Variants in ATP8B4 observed in about 807,000 individuals in gnomAD.
ATP8B4 encodes the protein ATPase phospholipid transporting 8B4 (putative).
Under a neutral mutation model 145.6 loss-of-function variants are expected in ATP8B4, and 133 were observed. That is an observed-to-expected ratio of 0.91 (90% CI 0.79 to 1.05). The LOEUF is 1.05. ATP8B4 is among the 50% of genes least tolerant of loss of function. The pLI, the probability that ATP8B4 is intolerant of heterozygous loss-of-function variation, is 0.00. For synonymous variants in ATP8B4, 507 were observed against 492.9 expected (o/e 1.03, Z -0.38); for missense variants, 1,458 against 1,425.2 (o/e 1.02, Z -0.37).
chr15:50,180,488 C>T (rs897896245), intron 1 of ATP8B4, among the ~76,000 whole-genome samples: 4 of 152,080 alleles, frequency 2.6e-5, no homozygotes, highest in African/African-American at 9.7e-5. Flanking sequence ...AAGTGATCCT[C>T]AGAATAAGAG....
chr15:50,074,174 T>C lies in ATP8B4; in HGVS notation c.40A>G (p.Ile14Val), dbSNP rs2153635941. 1 of 1,612,308 alleles carries C rather than the reference T, an allele frequency of 6.2e-7. No individual in the cohort carries two copies. Among genetic ancestry groups the C allele is most frequent in the Middle Eastern group, 1.7e-4 (1 of 6,058 alleles). ...TATTCACGGTCATTGGCTTTCACTA[T>C]CCGTTCCACTTCTAAAGAGAGAGAA... ...SEKKLREVER[I>V]VKANDREYNE... Residue 14 changes from isoleucine (I) to valine (V), a missense_variant, in exon 3 of 28, where the codon ATA (isoleucine) becomes GTA (valine). By Grantham distance (29) the Ile-to-Val change is conservative. Transcript: ENST00000284509.
At chr15:49,875,967 ATTT>A (rs369044106) in intron 25 of ATP8B4, among the ~76,000 whole-genome samples, 1 of 150,948 alleles carries the variant, frequency 6.6e-6, no homozygotes, top group South Asian at 2.1e-4. Flanking sequence ...TGTTATTGGA[ATTT>A]TTTTTTTCTT....
chr15:50,173,343 G>T (rs1393253397), intron 1 of ATP8B4, among the ~76,000 whole-genome samples: 1 of 152,096 alleles, frequency 6.6e-6, no homozygotes, highest in Non-Finnish European at 1.5e-5. Flanking sequence ...ATTTTGTTCT[G>T]TACTAAGAAA....
At chr15:49,904,746 T>G (rs8040270) in intron 20 of ATP8B4, among the ~76,000 whole-genome samples, 12,482 of 152,224 alleles carry the variant, frequency 0.082, 551 homozygotes, top group African/African-American at 0.097. Context: ...TTGAGAACCC[T>G]GCACATTCAA....
chr15:50,102,746 GC>G (rs2056443357), intron 2 of ATP8B4, among the ~76,000 whole-genome samples: 2 of 150,170 alleles, frequency 1.3e-5, no homozygotes, highest in Middle Eastern at 6.8e-3. Context: ...ATTCTATGAA[GC>G]CAGTATCACC....
chr15:49,942,001 G>A lies in ATP8B4; in HGVS notation c.1288-7819C>T, dbSNP rs1027042565. Among the ~76,000 whole-genome samples the A allele has an allele frequency of 3.9e-5, 6 of 152,236 alleles. No homozygotes were observed. The South Asian group carries it at 8.3e-4, about 21-fold the overall frequency. ...GGAAGCTAAGCTATGGGTATGCAAA[G>A]GTATATAGAGTGGTGTAACAGACAT... On this transcript the variant is annotated intron_variant, in intron 14 of 27. Coordinates refer to ENST00000284509, the MANE Select transcript of ATP8B4 (RefSeq NM_024837.4).
upstream of ATP8B4, among the ~76,000 whole-genome samples, chr15:50,124,049 G>A (rs1428430169): frequency 6.6e-6 from 1 of 152,030 alleles, no homozygotes; most frequent in Non-Finnish European, 1.5e-5. Context: ...GGGCCACCAC[G>A]CCCCCTTCTC....
Position 49,897,219 on chromosome 15 carries a change from G to A in ATP8B4, c.2697+73C>T, listed in dbSNP as rs762696770. On this transcript the variant is annotated intron_variant, in intron 23 of 27. Coordinates refer to ENST00000284509, the MANE Select transcript of ATP8B4 (RefSeq NM_024837.4). ...TCTGAATTTATTAGTAAAGAGCTAT[G>A]AAGAAGAGTCATTTGTAATATCATA... is the stretch of plus-strand genomic sequence containing the variant. 4 of 1,384,648 alleles carry A rather than the reference G, an allele frequency of 2.9e-6. No homozygotes were observed. In the South Asian group the frequency reaches 5.0e-5, roughly 17 times the overall value. The allele number at this position is 1,384,648 out of a possible 1,614,324, so 85.8% of individuals were successfully genotyped here.
At position 49,898,196 on chromosome 15, in the gene ATP8B4, C is replaced by A. The variant is rs774895282; in HGVS notation, c.2345G>T (p.Cys782Phe). The change falls in exon 22 of 28, where the codon TGT (cysteine) becomes TTT (phenylalanine). Residue 782 changes from cysteine to phenylalanine, a missense_variant. Physicochemically the swap from Cys to Phe is radical, Grantham distance 205. Transcript: ENST00000284509. ...KNDLLELACM[C>F]KTVICCRVTP... ...GACCCTGCAGCAAATTACAGTCTTA[C>A]ACATGCAAGCAAGTTCTAGGAGATC... 1 of 1,613,838 alleles carries A rather than the reference C, an allele frequency of 6.2e-7. No individual in the cohort carries two copies.
intron 14 of ATP8B4, among the ~76,000 whole-genome samples, chr15:49,938,262 G>C (rs566966423): frequency 6.6e-6 from 1 of 152,040 alleles, no homozygotes; most frequent in African/African-American, 2.4e-5. Context: ...CAGTTTCATG[G>C]TAGGGTCAAA....
At chr15:49,939,120 T>A (rs2041960782) in intron 14 of ATP8B4, among the ~76,000 whole-genome samples, 1 of 152,084 alleles carries the variant, frequency 6.6e-6, no homozygotes, top group Admixed American at 6.6e-5. Flanking sequence ...GGGGAAAGTT[T>A]ATAATGCTAA....
At chr15:49,980,765 A>T (rs1377720917) in intron 11 of ATP8B4, among the ~76,000 whole-genome samples, 1 of 152,220 alleles carries the variant, frequency 6.6e-6, no homozygotes, top group African/African-American at 2.4e-5. Flanking sequence ...CTAGATGGCA[A>T]CAGAAGTTGA....
chr15:50,049,805 C>T (rs2052031143), intron 3 of ATP8B4, among the ~76,000 whole-genome samples: 1 of 152,198 alleles, frequency 6.6e-6, no homozygotes, highest in Non-Finnish European at 1.5e-5. Context: ...GCAACCTCAA[C>T]ATCTGTTATT....
chr15:49,962,152 A>G, intron 13 of ATP8B4, 132 bp from the exon 14 acceptor site: 1 of 675,084 alleles, frequency 1.5e-6, no homozygotes, highest in Non-Finnish European at 2.4e-6. Context: ...AAACAGGCGA[A>G]TGGTTTTAGG....
At chr15:50,010,327 A>G (rs1411811063) in intron 7 of ATP8B4, among the ~76,000 whole-genome samples, 1 of 152,090 alleles carries the variant, frequency 6.6e-6, no homozygotes, top group Non-Finnish European at 1.5e-5. Context: ...TATAAATTAT[A>G]ATATACTTGA....
At chr15:50,160,996 G>A (rs2044509825) in intron 1 of ATP8B4, among the ~76,000 whole-genome samples, 1 of 151,982 alleles carries the variant, frequency 6.6e-6, no homozygotes, top group Non-Finnish European at 1.5e-5. Context: ...TGATTGTATT[G>A]GGGTCTATCT....
At chr15:49,860,613 T>G in intron 27 of ATP8B4, 138 bp from the exon 28 acceptor site, 2 of 1,059,946 alleles carry the variant, frequency 1.9e-6, no homozygotes, top group Non-Finnish European at 2.6e-6. Context: ...ATCTAAAAAC[T>G]AAGAAATTTT....
At chr15:49,926,579 T>C (rs1338994903) in intron 16 of ATP8B4, among the ~76,000 whole-genome samples, 4 of 152,152 alleles carry the variant, frequency 2.6e-5, no homozygotes, top group Non-Finnish European at 5.9e-5. Context: ...CATATAGAGC[T>C]TATTAACAGC....
intron 11 of ATP8B4, 90 bp downstream of exon 11, chr15:49,981,116 A>G: frequency 9.1e-7 from 1 of 1,101,440 alleles, no homozygotes. Context: ...CCACAAGGAG[A>G]ATGTAGGCTT....
Sources: allele counts gnomAD v4.1 joint callset (sites outside exome capture counted in the v4.1 genomes callset), GRCh38; gene constraint gnomAD v4.1.1; transcripts MANE v1.5; gene names NCBI Gene and HGNC (gene_info 2026-07-23, HGNC 2026-07-21).